Variants in ADGRF3 observed in about 807,000 individuals in gnomAD.
The protein encoded by ADGRF3 is G protein-coupled receptor 113.
Under a neutral mutation model 93.2 loss-of-function variants are expected in ADGRF3, and 85 were observed. The observed-to-expected ratio is 0.91, with a 90% CI of 0.77 to 1.09. The LOEUF is 1.09. ADGRF3 is among the 50% of genes least tolerant of loss of function. The pLI, the probability that ADGRF3 is intolerant of heterozygous loss-of-function variation, is 0.00. For missense variants in ADGRF3, 1,125 were observed against 1,246.2 expected (o/e 0.90, Z 1.46); for synonymous variants, 534 against 532.5 (o/e 1.00, Z -0.04).
intron 9 of ADGRF3, among the ~76,000 whole-genome samples, chr2:26,312,696 G>C (rs757769356): frequency 6.6e-6 from 1 of 152,156 alleles, no homozygotes; most frequent in Admixed American, 6.5e-5. Flanking sequence ...CACACGCCTC[G>C]GGCCTCATGT....
Position 26,310,231 on chromosome 2 carries a change from A to G in ADGRF3, c.2839T>C (p.Phe947Leu), listed in dbSNP as rs138290494. The change falls in exon 11 of 14, where the codon TTC becomes CTC. Residue 947 changes from phenylalanine to leucine, a missense_variant. Coordinates refer to ENST00000651242, the MANE Select transcript of ADGRF3 (RefSeq NM_001321971.2). Reference protein sequence around the residue: ...FTILNTLQGVFILLFGCLMDR... With the variant: ...FTILNTLQGVLILLFGCLMDR... ...ATGAGGCAACCAAACAATAGGATGA[A>G]GACGCCCTGAGAAGAGGGACATGGG... 99 of 1,614,012 alleles carry G rather than the reference A, an allele frequency of 6.1e-5. No homozygotes were observed. In the East Asian group the frequency reaches 2.1e-3, roughly 33 times the overall value.
rs1674093886 is a variant in ADGRF3 at position 26,311,259 on chromosome 2, G to A, written c.2265C>T (p.Asp755=). ...GGAATGGGGCGCCCAGGAAGCAAGTGTCTGCGGCCAGCAAGCAGAACACCA... is the reference window on the plus strand; with the variant it reads ...GGAATGGGGCGCCCAGGAAGCAAGTATCTGCGGCCAGCAAGCAGAACACCA... ...LNMVFCLLAA[D]TCFLGAPFLS... The change falls in exon 10 of 14, where the codon GAC becomes GAT. Residue 755 remains aspartate, a synonymous_variant. Coordinates refer to ENST00000651242, the MANE Select transcript of ADGRF3 (RefSeq NM_001321971.2). 5 of 1,612,684 alleles carry A rather than the reference G, an allele frequency of 3.1e-6. No individual in the cohort carries two copies. Among genetic ancestry groups the A allele is most frequent in the Admixed American group, 1.7e-5 (1 of 59,784 alleles).
intron 1 of ADGRF3, 178 bp downstream of exon 1, chr2:26,345,943 T>G: frequency 1.6e-6 from 1 of 614,228 alleles, no homozygotes; most frequent in South Asian, 2.1e-5. Context: ...CGGGACTTAG[T>G]GTTGCCTGAT....
intron 2 of ADGRF3, 136 bp downstream of exon 2, chr2:26,317,360 G>A (rs1259186761): frequency 1.2e-6 from 1 of 825,658 alleles, no homozygotes; most frequent in Non-Finnish European, 1.9e-6. Context: ...CTGTCCGACT[G>A]TGATCAGAGC....
chr2:26,346,063 CGGCCG>C lies in ADGRF3; in HGVS notation c.114+53_114+57del, dbSNP rs1558406793. On this transcript the variant is annotated intron_variant, in intron 1 of 13. Coordinates refer to ENST00000651242, the MANE Select transcript of ADGRF3 (RefSeq NM_001321971.2). ...TGGGCTGCGCTTGCGCACTGAGAGG[CGGCCG>C]AAGGGGCCGAGGCGGCTACGCGTGC... The C allele has an allele frequency of 1.3e-4, 195 of 1,501,228 alleles. No homozygotes were observed. In the African/African-American group the frequency reaches 2.3e-3, roughly 18 times the overall value. 93.0% of individuals were successfully genotyped at this position (1,501,228 alleles called of 1,614,324 possible).
chr2:26,325,814 C>T (rs954798456), intron 1 of ADGRF3, among the ~76,000 whole-genome samples: 4 of 152,018 alleles, frequency 2.6e-5, no homozygotes, highest in Admixed American at 2.6e-4. Context: ...GGTACCATTC[C>T]CCATTTATTA....
chr2:26,326,573 G>A (rs1675445452), intron 1 of ADGRF3, among the ~76,000 whole-genome samples: 1 of 152,136 alleles, frequency 6.6e-6, no homozygotes, highest in Non-Finnish European at 1.5e-5. Context: ...ATACAAGTAA[G>A]TAGATTTTAT....
chr2:26,309,485 C>T, intron 13 of ADGRF3, 41 bp downstream of exon 13: 1 of 1,599,624 alleles, frequency 6.3e-7, no homozygotes, highest in Non-Finnish European at 8.5e-7. Flanking sequence ...CGTCCTCAAT[C>T]CACCCTGCTT....
Position 26,314,636 on chromosome 2 carries a change from G to T in ADGRF3, c.719-13C>A. 6.2e-7 allele frequency: 1 copy of T among 1,610,140 alleles called. No homozygotes were observed. Among genetic ancestry groups the T allele is most frequent in the Non-Finnish European group, 8.5e-7 (1 of 1,176,950 alleles). ...CTCATGTACTCACCTGCAGAAACGT[G>T]TGTGCGGCGCTATGTGGCTCCTCTG... On this transcript the variant is annotated splice_polypyrimidine_tract_variant and intron_variant, in intron 5 of 13. Transcript: ENST00000651242.
At chr2:26,320,923 C>T (rs1455394530) in intron 1 of ADGRF3, among the ~76,000 whole-genome samples, 2 of 152,060 alleles carry the variant, frequency 1.3e-5, no homozygotes, top group Admixed American at 6.6e-5. Context: ...ATTTAAGATG[C>T]TTGTACTTTT....
intron 2 of ADGRF3, 146 bp downstream of exon 2, chr2:26,317,350 C>T: frequency 3.9e-6 from 3 of 764,496 alleles, no homozygotes; most frequent in Non-Finnish European, 2.1e-6. Flanking sequence ...GGTCACAGAC[C>T]TGTCCGACTG....
intron 6 of ADGRF3, 74 bp downstream of exon 6, chr2:26,314,340 G>T: frequency 7.1e-7 from 1 of 1,409,946 alleles, no homozygotes; most frequent in South Asian, 1.3e-5. Flanking sequence ...CTCATGAGCT[G>T]AAGACCCAGC....
chr2:26,317,386 G>T, intron 2 of ADGRF3, 110 bp downstream of exon 2: 2 of 1,049,402 alleles, frequency 1.9e-6, no homozygotes, highest in Non-Finnish European at 1.4e-6. Flanking sequence ...CTCTCTCTCC[G>T]CCACCACTCC....
At chr2:26,317,886 G>A in intron 1 of ADGRF3, 4 of 772,092 alleles carry the variant, frequency 5.2e-6, no homozygotes, top group Non-Finnish European at 9.0e-6. Flanking sequence ...CAGCAGCGGA[G>A]CTGGACATTG....
At chr2:26,333,795 C>A (rs1219520911) in intron 1 of ADGRF3, among the ~76,000 whole-genome samples, 2 of 152,014 alleles carry the variant, frequency 1.3e-5, no homozygotes, top group Admixed American at 1.3e-4. Context: ...TGTACCTGTA[C>A]AAGAACAGGA....
Position 26,314,457 on chromosome 2 carries a change from G to A in ADGRF3, c.885C>T (p.Asn295=), listed in dbSNP as rs762426636. 3.1e-6 allele frequency: 5 copies of A among 1,614,052 alleles called. No individual in the cohort carries two copies. The highest frequency in any genetic ancestry group is 1.1e-5 in the South Asian group (1 of 91,086). The change falls in exon 6 of 14, where the codon AAC becomes AAT. Residue 295 remains asparagine (N), a synonymous_variant. Transcript: ENST00000651242. ...GGCTCCAGGCCGCGGTGTAGGCCAG[G>A]TTTGTGCTGGGGATGCAGCAGCTCA... ...FQLSCCIPST[N]LAYTAAWSPG...
Position 26,311,839 on chromosome 2 carries a change from C to A in ADGRF3, c.1685G>T (p.Arg562Leu), listed in dbSNP as rs565818489. Reference sequence around the variant, plus strand: ...GGGAATCTGAGCCTGCAGTGGGGGCCGAGTAGGGAAGGAGATGCTGTAGTC... The same window carrying A: ...GGGAATCTGAGCCTGCAGTGGGGGCAGAGTAGGGAAGGAGATGCTGTAGTC... ...PADYSISFPT[R>L]PPLQAQIPRH... is the part of the protein sequence containing the mutation. The change falls in exon 10 of 14, where the codon CGG (arginine) becomes CTG (leucine). Residue 562 changes from arginine to leucine, a missense_variant. Arg to Leu is a moderately radical substitution (Grantham distance 102). Transcript: ENST00000651242. The A allele has an allele frequency of 4.3e-6, 7 of 1,613,646 alleles. No homozygotes were observed. Among genetic ancestry groups the A allele is most frequent in the Non-Finnish European group, 5.9e-6 (7 of 1,179,812 alleles).
chr2:26,331,209 G>A (rs955114513), intron 1 of ADGRF3, among the ~76,000 whole-genome samples: 3 of 152,008 alleles, frequency 2.0e-5, no homozygotes, highest in African/African-American at 4.8e-5. Flanking sequence ...TTTGAGGTCC[G>A]TTTTATGGGC....
intron 3 of ADGRF3, among the ~76,000 whole-genome samples, 173 bp from the exon 4 acceptor site, chr2:26,316,621 T>G (rs1310756910): frequency 6.6e-6 from 1 of 151,780 alleles, no homozygotes; most frequent in Non-Finnish European, 1.5e-5. Flanking sequence ...CAGTCAGGAC[T>G]CGAAGCAGCA....
Sources: allele counts gnomAD v4.1 joint callset (sites outside exome capture counted in the v4.1 genomes callset), GRCh38; gene constraint gnomAD v4.1.1; transcripts MANE v1.5; gene names NCBI Gene and HGNC (gene_info 2026-07-23, HGNC 2026-07-21).